Variants in CLEC20A observed in about 807,000 individuals in gnomAD.
CLEC20A encodes C-type lectin domain containing 20A.
chr1:178,498,419 C>A (rs1649449807), upstream of CLEC20A, among the ~76,000 whole-genome samples: 1 of 152,020 alleles, frequency 6.6e-6, no homozygotes, highest in Non-Finnish European at 1.5e-5. Flanking sequence ...TAGTGAGACT[C>A]CATCTCTACA....
At chr1:178,493,584 G>A (rs1483000910) in intron 2 of CLEC20A, 1 of 152,524 alleles carries the variant, frequency 6.6e-6, no homozygotes, top group African/African-American at 2.4e-5. Flanking sequence ...TGGAGCACAA[G>A]GAGGGGGCTG....
intron 5 of CLEC20A, chr1:178,486,982 G>A (rs963055953): frequency 1.9e-4 from 75 of 395,750 alleles, no homozygotes; most frequent in African/African-American, 1.3e-3. Context: ...GCGGGGCTCC[G>A]GGCTGCCCCT....
exon 2 of CLEC20A, chr1:178,494,733 A>G: frequency 2.5e-6 from 1 of 399,258 alleles, no homozygotes; most frequent in Non-Finnish European, 4.4e-6. Flanking sequence ...TGCAGCCGGC[A>G]GTGCTGCTGG....
intron 7 of CLEC20A, chr1:178,481,014 T>A (rs1377604153): frequency 6.6e-6 from 1 of 152,166 alleles, no homozygotes; most frequent in Non-Finnish European, 1.5e-5. Context: ...TTGAAACTTA[T>A]CAGATGCTAA....
chr1:178,492,676 C>A, intron 2 of CLEC20A, 110 bp from the exon 3 acceptor site: 1 of 397,894 alleles, frequency 2.5e-6, no homozygotes, highest in South Asian at 1.3e-4. Context: ...ACAGGCTGGT[C>A]CATCCCTTTC....
intron 7 of CLEC20A, chr1:178,481,556 A>G (rs1648987140): frequency 6.6e-6 from 1 of 152,222 alleles, no homozygotes; most frequent in South Asian, 2.1e-4. Context: ...GTATTTAGGA[A>G]CAATTCTTCC....
intron 5 of CLEC20A, chr1:178,486,870 G>A (rs943600928): frequency 2.5e-6 from 1 of 398,332 alleles, no homozygotes; most frequent in Non-Finnish European, 4.4e-6. Flanking sequence ...CCGGGGCCGC[G>A]AGGTTGGCCG....
At chr1:178,481,156 G>A (rs1439576759) in intron 7 of CLEC20A, 2 of 152,138 alleles carry the variant, frequency 1.3e-5, no homozygotes, top group African/African-American at 4.8e-5. Context: ...CATTTTGTAA[G>A]ATTCAGTTGG....
chr1:178,499,254 C>A (rs1649473884), upstream of CLEC20A, among the ~76,000 whole-genome samples: 1 of 152,210 alleles, frequency 6.6e-6, no homozygotes, highest in South Asian at 2.1e-4. Context: ...ACAAGCCCAA[C>A]AAAACCTTTC....
intron 7 of CLEC20A, chr1:178,480,781 TAAAAA>T (rs1352962448): frequency 6.6e-6 from 1 of 150,462 alleles, no homozygotes; most frequent in Non-Finnish European, 1.5e-5. Context: ...GACTCCGTCT[TAAAAA>T]AATAAAAATT....
rs539804290 is a variant in CLEC20A, at chr1:178,494,928, C to T, written c.41-118G>A. The T allele has an allele frequency of 1.7e-4, 66 of 397,762 alleles. No homozygotes were observed. In the South Asian group the frequency reaches 5.1e-3, roughly 31 times the overall value. The allele number at this position is 397,762 out of a possible 1,614,324, so 24.6% of individuals were successfully genotyped here. ...GCCTCTTCCCGCCCACTCTGCACTT[C>T]GCCGCTGGCCCACCAGTCATATCCA... is the stretch of plus-strand genomic sequence containing the variant. On this transcript the variant is annotated intron_variant, in intron 1 of 7. Transcript: ENST00000623247.
intron 4 of CLEC20A, among the ~76,000 whole-genome samples, 173 bp downstream of exon 4, chr1:178,489,899 A>G (rs951179222): frequency 1.3e-5 from 2 of 152,200 alleles, no homozygotes; most frequent in Non-Finnish European, 2.9e-5. Flanking sequence ...ACTTCCTCAC[A>G]AGTTTATAGT....
Position 178,490,057 on chromosome 1 carries a change from C to T in CLEC20A, c.829+15G>A. On this transcript the variant is annotated intron_variant, in intron 4 of 7. Transcript: ENST00000623247. ...TCAATGGGCCGAGGGCCAGCAAGAG[C>T]AGACTCTCACTCACCATAGAAGCAG... The T allele has an allele frequency of 2.5e-6, 1 of 398,682 alleles. No individual in the cohort carries two copies. The allele number at this position is 398,682 out of a possible 1,614,324, so 24.7% of individuals were successfully genotyped here. A position where few individuals can be genotyped will look rare whatever the true frequency, so the allele number is the denominator to read the frequency against.
chr1:178,482,775 TCTGA>T (rs1649023970), intron 6 of CLEC20A: 1 of 209,396 alleles, frequency 4.8e-6, no homozygotes, highest in Non-Finnish European at 9.3e-6. Flanking sequence ...AAAGAAGTTC[TCTGA>T]CTTTTTAAAT....
At chr1:178,488,438 C>A in intron 5 of CLEC20A, 63 bp downstream of exon 5, 1 of 398,640 alleles carries the variant, frequency 2.5e-6, no homozygotes, top group Non-Finnish European at 4.4e-6. Context: ...GGCCTGCAAG[C>A]CAGCCTTGCC....
intron 5 of CLEC20A, 188 bp from the exon 6 acceptor site, chr1:178,483,470 T>C: frequency 2.6e-6 from 1 of 388,194 alleles, no homozygotes; most frequent in Non-Finnish European, 4.5e-6. Flanking sequence ...ACAGGCTCTT[T>C]TAACCCAGCA....
chr1:178,480,982 T>C (rs1274199623), intron 7 of CLEC20A: 1 of 152,106 alleles, frequency 6.6e-6, no homozygotes, highest in Non-Finnish European at 1.5e-5. Context: ...TGACCTAATA[T>C]TCAGCACTGA....
intron 7 of CLEC20A, chr1:178,481,146 C>T (rs1174743223): frequency 1.3e-5 from 2 of 152,122 alleles, no homozygotes; most frequent in Admixed American, 1.3e-4. Flanking sequence ...AAATCATGAG[C>T]ATTTTGTAAG....
chr1:178,479,335 C>CCT (rs1447256474), exon 8 of CLEC20A: 1 of 370,816 alleles, frequency 2.7e-6, no homozygotes, highest in Non-Finnish European at 4.8e-6. Flanking sequence ...CCCATCTTCT[C>CCT]CTGCATCCCT....
Sources: gnomAD v4.1 joint callset for allele counts (sites outside exome capture counted in the v4.1 genomes callset) on GRCh38, gnomAD v4.1.1 for gene constraint, MANE v1.5 for transcripts, NCBI Gene and HGNC (gene_info 2026-07-23, HGNC 2026-07-21) for gene names.